The following RYR2 variants were observed in gnomAD, a reference collection of about 807,000 sequenced individuals.
RYR2 encodes ryanodine receptor 2.
RYR2 carries 227 observed loss-of-function variants against 601.1 expected under a neutral mutation model. That is an observed-to-expected ratio of 0.38 (90% confidence interval 0.34 to 0.42). The LOEUF (loss-of-function observed/expected upper bound fraction) is 0.42. RYR2 is among the 10% of genes least tolerant of loss of function. RYR2 has a pLI of 1.00. For missense variants in RYR2, 4,646 were observed against 6,156.5 expected (o/e 0.75, Z 8.21); for synonymous variants, 2,223 against 2,175.1 (o/e 1.02, Z -0.61).
At chr1:237,257,325 C>G (rs919795124) in intron 1 of RYR2, among the ~76,000 whole-genome samples, 2 of 152,156 alleles carry the variant, frequency 1.3e-5, no homozygotes, top group African/African-American at 4.8e-5. Context: ...ACTCATAGAG[C>G]TCTTCATTTC....
chr1:237,634,422 A>T (rs949574050), intron 43 of RYR2, among the ~76,000 whole-genome samples: 2 of 152,204 alleles, frequency 1.3e-5, no homozygotes, highest in African/African-American at 4.8e-5. Flanking sequence ...AGTCGAACTC[A>T]TAGAAACAGA....
chr1:237,105,354 G>A (rs1012978197), intron 1 of RYR2, among the ~76,000 whole-genome samples: 3 of 152,168 alleles, frequency 2.0e-5, no homozygotes, highest in African/African-American at 4.8e-5. Flanking sequence ...GGGAAAATGA[G>A]AGTAGAACAG....
At chr1:237,396,263 G>C (rs1356115123) in intron 10 of RYR2, among the ~76,000 whole-genome samples, 3 of 152,110 alleles carry the variant, frequency 2.0e-5, no homozygotes, top group African/African-American at 7.2e-5. Context: ...GACTATGAAT[G>C]ACTCCAGTAT....
At chr1:237,505,567 G>T (rs1401114276) in intron 22 of RYR2, among the ~76,000 whole-genome samples, 1 of 152,150 alleles carries the variant, frequency 6.6e-6, no homozygotes, top group Non-Finnish European at 1.5e-5. Flanking sequence ...CTAAAAGGTG[G>T]GAGGATATGT....
At chr1:237,807,774 T>A (rs1660807151) in intron 99 of RYR2, among the ~76,000 whole-genome samples, 2 of 152,220 alleles carry the variant, frequency 1.3e-5, no homozygotes, top group Admixed American at 1.3e-4. Context: ...TAAGGTAACA[T>A]GTTTTCTCCA....
rs1383204184 is a variant in RYR2, at chr1:237,798,017, G to A, written c.13957-20G>A. Reference sequence around the variant, plus strand: ...ACTTAATGGTTGAAGCCAACAAAATGCTTTTTCTCATACCCCAAGGTTATG... The same window carrying A: ...ACTTAATGGTTGAAGCCAACAAAATACTTTTTCTCATACCCCAAGGTTATG... On this transcript the variant is annotated intron_variant, in intron 96 of 104. Transcript: ENST00000366574. 6.3e-7 allele frequency: 1 copy of A among 1,599,744 alleles called. No individual in the cohort carries two copies. The highest frequency in any genetic ancestry group is 1.7e-5 in the Admixed American group (1 of 57,324).
chr1:237,520,551 A>G (rs997039711), intron 24 of RYR2, among the ~76,000 whole-genome samples: 2 of 152,126 alleles, frequency 1.3e-5, no homozygotes, highest in Non-Finnish European at 2.9e-5. Flanking sequence ...TTCTGCACCT[A>G]TTGAGATGCT....
intron 97 of RYR2, among the ~76,000 whole-genome samples, chr1:237,799,302 G>A (rs1340311246): frequency 6.6e-6 from 1 of 152,110 alleles, no homozygotes; most frequent in African/African-American, 2.4e-5. Context: ...AAGAACTAGG[G>A]TGTGAGGCTG....
intron 44 of RYR2, among the ~76,000 whole-genome samples, chr1:237,637,088 T>G (rs888272998): frequency 5.9e-5 from 9 of 152,206 alleles, no homozygotes; most frequent in Non-Finnish European, 1.0e-4. Context: ...GGCCATGTTC[T>G]GCGTCTTGAT....
chr1:237,613,602 A>G (rs16832058), intron 36 of RYR2, among the ~76,000 whole-genome samples: 17,858 of 152,160 alleles, frequency 0.12, 1,854 homozygotes, highest in African/African-American at 0.28. Flanking sequence ...GTCAAATTCT[A>G]TGTAGAAGAA....
chr1:237,633,251 G>T (rs538142363), intron 42 of RYR2, among the ~76,000 whole-genome samples: 9 of 152,284 alleles, frequency 5.9e-5, no homozygotes, highest in Admixed American at 3.3e-4. Context: ...CAAAGAGATT[G>T]CATCATTTCC....
At chr1:237,094,546 A>C (rs1467636688) in intron 1 of RYR2, among the ~76,000 whole-genome samples, 3 of 151,496 alleles carry the variant, frequency 2.0e-5, no homozygotes, top group Non-Finnish European at 2.9e-5. Context: ...AGTTTTATGA[A>C]TGCATCATTT....
intron 8 of RYR2, among the ~76,000 whole-genome samples, chr1:237,383,482 T>C (rs1411943023): frequency 7.9e-6 from 1 of 127,252 alleles, no homozygotes; most frequent in Non-Finnish European, 1.6e-5. Flanking sequence ...TAGGCTGGAG[T>C]ACAGGGGCAC....
rs115638108 is a variant in RYR2, at chr1:237,179,645, C to T, written c.49-90852C>T. Among the ~76,000 whole-genome samples the T allele has an allele frequency of 5.9e-3, 901 of 152,170 alleles. 11 individuals carry two copies. Among genetic ancestry groups the T allele is most frequent in the South Asian group, 0.033 (159 of 4,812 alleles). On this transcript the variant is annotated intron_variant, in intron 1 of 104. Transcript: ENST00000366574. ...CTGATATGTGATCTGGGCTACATACCGTCTCTCTGTATCCAGAATGTACAT... is the reference window on the plus strand; with the variant it reads ...CTGATATGTGATCTGGGCTACATACTGTCTCTCTGTATCCAGAATGTACAT...
intron 29 of RYR2, among the ~76,000 whole-genome samples, chr1:237,582,830 G>A (rs1674074726): frequency 6.6e-6 from 1 of 151,894 alleles, no homozygotes; most frequent in African/African-American, 2.4e-5. Context: ...GGGCACTGAG[G>A]TTGATTCCAT....
intron 3 of RYR2, among the ~76,000 whole-genome samples, chr1:237,342,155 C>CTT (rs11351962): frequency 6.8e-6 from 1 of 147,736 alleles, no homozygotes; most frequent in African/African-American, 2.5e-5. Flanking sequence ...AAATAACTTC[C>CTT]TTTTTTTTTT....
chr1:237,785,313 G>A (rs1054489049), intron 90 of RYR2, among the ~76,000 whole-genome samples: 2 of 152,144 alleles, frequency 1.3e-5, no homozygotes, highest in Admixed American at 1.3e-4. Flanking sequence ...ACAGAGCATT[G>A]AAATTTTCTC....
chr1:237,273,099 TA>T (rs1207917031), intron 2 of RYR2, among the ~76,000 whole-genome samples: 2 of 152,110 alleles, frequency 1.3e-5, no homozygotes, highest in Non-Finnish European at 2.9e-5. Context: ...TAATATATAA[TA>T]AATTCTAGAA....
chr1:237,409,954 A>G (rs1704279753), intron 10 of RYR2, among the ~76,000 whole-genome samples: 1 of 152,158 alleles, frequency 6.6e-6, no homozygotes, highest in African/African-American at 2.4e-5. Context: ...GGTGTTCAGT[A>G]TTTGTTATAT....
Sources: allele counts gnomAD v4.1 joint callset (sites outside exome capture counted in the v4.1 genomes callset), GRCh38; gene constraint gnomAD v4.1.1; transcripts MANE v1.5; gene names NCBI Gene and HGNC (gene_info 2026-07-23, HGNC 2026-07-21).